Variants in KALRN observed in about 807,000 individuals in gnomAD.
KALRN encodes kalirin RhoGEF kinase.
Under a neutral mutation model 353.7 loss-of-function variants are expected in KALRN, and 70 were observed. The observed-to-expected ratio is 0.20, with a 90% CI of 0.16 to 0.24. The LOEUF (loss-of-function observed/expected upper bound fraction) is 0.24, where lower values mean the gene tolerates loss of function less well. Ranked by LOEUF, KALRN falls within the 10% of genes least tolerant of loss-of-function variation. The pLI is 1.00. For synonymous variants in KALRN, 1,391 were observed against 1,434.8 expected (o/e 0.97, Z 0.69); for missense variants, 2,791 against 3,756.7 (o/e 0.74, Z 6.72).
At chr3:124,456,572 G>A in intron 22 of KALRN, 38 bp from the exon 23 acceptor site, 2 of 1,469,974 alleles carry the variant, frequency 1.4e-6, no homozygotes, top group Non-Finnish European at 1.9e-6. Flanking sequence ...CTTTCCCAAA[G>A]CATCACAAGG....
intron 1 of KALRN, among the ~76,000 whole-genome samples, chr3:124,217,954 A>G (rs1314535900): frequency 6.6e-6 from 1 of 152,202 alleles, no homozygotes; most frequent in East Asian, 1.9e-4. Context: ...TGGTGAGGAC[A>G]CTGGAGCAGG....
chr3:124,217,284 A>G (rs1316825482), intron 1 of KALRN, among the ~76,000 whole-genome samples: 2 of 152,228 alleles, frequency 1.3e-5, no homozygotes, highest in South Asian at 2.1e-4. Flanking sequence ...ATTGAATTGT[A>G]TATGTTTGGA....
chr3:124,588,768 T>C (rs564956948), intron 34 of KALRN, among the ~76,000 whole-genome samples: 1 of 152,348 alleles, frequency 6.6e-6, no homozygotes, highest in Non-Finnish European at 1.5e-5. Context: ...GCTTTAGGTA[T>C]GTGGACAAAA....
At chr3:124,446,302 A>G (rs1269366232) in intron 20 of KALRN, 26 bp downstream of exon 20, 11 of 1,542,712 alleles carry the variant, frequency 7.1e-6, no homozygotes, top group South Asian at 4.6e-5. Context: ...CCCTGGCACT[A>G]TCTCAGTTCT....
At chr3:124,480,019 G>A (rs964900313) in intron 27 of KALRN, among the ~76,000 whole-genome samples, 1 of 152,122 alleles carries the variant, frequency 6.6e-6, no homozygotes, top group Non-Finnish European at 1.5e-5. Context: ...CACCGCGCCC[G>A]GCCGATCCAG....
At chr3:124,647,550 T>C (rs1345883465) in intron 37 of KALRN, among the ~76,000 whole-genome samples, 1 of 152,334 alleles carries the variant, frequency 6.6e-6, no homozygotes, top group East Asian at 1.9e-4. Context: ...AAGTCTTTCC[T>C]TCTCCATCCC....
intron 34 of KALRN, among the ~76,000 whole-genome samples, chr3:124,602,067 G>T (rs1259838843): frequency 6.6e-6 from 1 of 151,486 alleles, no homozygotes; most frequent in Non-Finnish European, 1.5e-5. Flanking sequence ...CTGTTCTGTT[G>T]GCAGCAACCC....
intron 33 of KALRN, among the ~76,000 whole-genome samples, chr3:124,539,925 G>C (rs1025288733): frequency 2.9e-5 from 4 of 140,046 alleles, no homozygotes; most frequent in South Asian, 2.3e-4. Context: ...TTTTTTTTGG[G>C]GGGGGGGACA....
chr3:124,672,645 C>G (rs1170572072), intron 48 of KALRN, among the ~76,000 whole-genome samples: 1 of 152,162 alleles, frequency 6.6e-6, no homozygotes, highest in Non-Finnish European at 1.5e-5. Context: ...CAAACATCAC[C>G]ATAAGGAGAG....
At chr3:124,250,949 C>T (rs1385403386) in intron 3 of KALRN, among the ~76,000 whole-genome samples, 4 of 152,204 alleles carry the variant, frequency 2.6e-5, no homozygotes, top group Admixed American at 1.3e-4. Context: ...TCTGAACCCA[C>T]CCCTTTGCCA....
At chr3:124,415,937 A>G (rs143148979) in intron 14 of KALRN, among the ~76,000 whole-genome samples, 161 of 152,372 alleles carry the variant, frequency 1.1e-3, no homozygotes, top group African/African-American at 3.8e-3. Flanking sequence ...TCAGTGTTCT[A>G]GGACACAGAC....
chr3:124,141,379 C>T (rs1560060967), intron 1 of KALRN, among the ~76,000 whole-genome samples: 1 of 152,162 alleles, frequency 6.6e-6, no homozygotes, highest in Non-Finnish European at 1.5e-5. Flanking sequence ...CCAGCTCTGT[C>T]TTCTAAGCAA....
At chr3:124,391,541 A>G (rs1230345781) in intron 11 of KALRN, among the ~76,000 whole-genome samples, 1 of 152,126 alleles carries the variant, frequency 6.6e-6, no homozygotes, top group Non-Finnish European at 1.5e-5. Flanking sequence ...GTGTCTCTCT[A>G]ATTTGGACTC....
At chr3:124,694,266 A>G (rs1012434801) in intron 52 of KALRN, 66 bp from the exon 53 acceptor site, 2 of 1,523,758 alleles carry the variant, frequency 1.3e-6, no homozygotes, top group South Asian at 1.2e-5. Flanking sequence ...GGTGTGTTAA[A>G]ACAAAATGGC....
At chr3:124,268,059 G>A (rs1422260193) in intron 4 of KALRN, among the ~76,000 whole-genome samples, 1 of 152,160 alleles carries the variant, frequency 6.6e-6, no homozygotes, top group African/African-American at 2.4e-5. Flanking sequence ...CCTATAGGAA[G>A]GAAAAGATGT....
At chr3:124,419,063 C>G (rs1300009915) in intron 14 of KALRN, among the ~76,000 whole-genome samples, 3 of 151,356 alleles carry the variant, frequency 2.0e-5, no homozygotes, top group Non-Finnish European at 4.4e-5. Context: ...CACAGCGAAA[C>G]TCAGTCTAAA....
chr3:124,606,221 C>T (rs1466340528), intron 34 of KALRN, among the ~76,000 whole-genome samples: 1 of 152,184 alleles, frequency 6.6e-6, no homozygotes, highest in East Asian at 1.9e-4. Flanking sequence ...AGGAATTATA[C>T]TTCGGGGCAA....
At chr3:124,240,636 CTGAA>C (rs984355725) in intron 3 of KALRN, among the ~76,000 whole-genome samples, 1 of 152,088 alleles carries the variant, frequency 6.6e-6, no homozygotes, top group African/African-American at 2.4e-5. Flanking sequence ...TCATCATTGA[CTGAA>C]TGTACCGAGA....
intron 1 of KALRN, among the ~76,000 whole-genome samples, chr3:124,146,874 C>CAAAAAAAAAAAAAAAAAAA (rs34633708): frequency 5.2e-4 from 26 of 49,896 alleles, no homozygotes; most frequent in Admixed American, 1.1e-3. Flanking sequence ...GACTCTGTCT[C>CAAAAAAAAAAAAAAAAAAA]AAAAAAAAAA....
Sources: gnomAD v4.1 joint callset for allele counts (sites outside exome capture counted in the v4.1 genomes callset) on GRCh38, gnomAD v4.1.1 for gene constraint, MANE v1.5 for transcripts, NCBI Gene and HGNC (gene_info 2026-07-23, HGNC 2026-07-21) for gene names.